Variants in CPED1 observed in about 807,000 individuals in gnomAD.
CPED1 encodes the protein cadherin like and PC-esterase domain containing 1.
A neutral mutation model predicts 128.2 loss-of-function variants in CPED1; 114 were observed. The ratio of observed to expected loss-of-function variants is 0.89; its 90% CI spans 0.76 to 1.04. CPED1 has a LOEUF of 1.04. Ranked by LOEUF, CPED1 falls within the 50% of genes least tolerant of loss-of-function variation. The probability of loss-of-function intolerance (pLI) is 0.00; values close to 1 mark genes in which losing one functional copy is unlikely to be tolerated. For synonymous variants in CPED1, 462 were observed against 426.7 expected, an observed-to-expected ratio of 1.08 and a Z score of -1.02; for missense variants, 1,211 against 1,207.1, an observed-to-expected ratio of 1.00 and a Z score of -0.05.
chr7:120,998,436 C>T (rs890871875), intron 2 of CPED1, among the ~76,000 whole-genome samples: 2 of 152,222 alleles, frequency 1.3e-5, no homozygotes, highest in South Asian at 2.1e-4. Context: ...TAACATGATC[C>T]TTAAATGAGA....
chr7:121,060,940 GC>G (rs1563010211), intron 4 of CPED1, among the ~76,000 whole-genome samples: 1 of 151,490 alleles, frequency 6.6e-6, no homozygotes, highest in Non-Finnish European at 1.5e-5. Context: ...GAGACCACGA[GC>G]CCCCCGGGAG....
intron 4 of CPED1, 92 bp from the exon 5 acceptor site, chr7:121,064,146 C>T (rs370955637): frequency 1.2e-6 from 1 of 820,210 alleles, no homozygotes. Flanking sequence ...CAGTGCATCC[C>T]ATCTATACTC....
intron 14 of CPED1, among the ~76,000 whole-genome samples, chr7:121,139,066 ATTCTTTT>A (rs1563041664): frequency 6.6e-6 from 1 of 152,030 alleles, no homozygotes; most frequent in East Asian, 1.9e-4. Context: ...TTCTGCCTTC[ATTCTTTT>A]TTCTTTTTTA....
chr7:121,024,710 A>G (rs1186982881), intron 3 of CPED1, among the ~76,000 whole-genome samples: 2 of 152,144 alleles, frequency 1.3e-5, no homozygotes, highest in African/African-American at 4.8e-5. Flanking sequence ...AAAAAAGACT[A>G]TTTTTTGAAA....
intron 7 of CPED1, among the ~76,000 whole-genome samples, chr7:121,110,905 T>C (rs1464140064): frequency 1.3e-5 from 2 of 152,056 alleles, no homozygotes; most frequent in African/African-American, 2.4e-5. Flanking sequence ...TGGTGAGATA[T>C]GGTAGTCTAA....
At chr7:121,293,277 G>A (rs940777579) in intron 22 of CPED1, among the ~76,000 whole-genome samples, 3 of 152,136 alleles carry the variant, frequency 2.0e-5, no homozygotes, top group African/African-American at 2.4e-5. Context: ...CATCCAGTTC[G>A]AAATTCCCAG....
At chr7:121,230,444 T>G (rs1169783782) in intron 16 of CPED1, among the ~76,000 whole-genome samples, 1 of 152,056 alleles carries the variant, frequency 6.6e-6, no homozygotes, top group East Asian at 1.9e-4. Context: ...GTAGCTTAAA[T>G]AAATAAGAGA....
chr7:121,079,770 G>C (rs925779833), intron 5 of CPED1, among the ~76,000 whole-genome samples: 2 of 152,198 alleles, frequency 1.3e-5, no homozygotes, highest in Non-Finnish European at 2.9e-5. Flanking sequence ...GTGTCAAACT[G>C]ATTTGGGAAA....
intron 16 of CPED1, among the ~76,000 whole-genome samples, chr7:121,172,382 G>A (rs1038379782): frequency 7.0e-6 from 1 of 141,920 alleles, no homozygotes; most frequent in Admixed American, 7.1e-5. Context: ...AAATACTCTT[G>A]TTTTTTTTTT....
At chr7:121,255,178 G>A (rs749059812) in intron 18 of CPED1, among the ~76,000 whole-genome samples, 3 of 151,982 alleles carry the variant, frequency 2.0e-5, no homozygotes, top group Non-Finnish European at 2.9e-5. Context: ...CTAGCAAACC[G>A]AATTCAGCAA....
intron 17 of CPED1, among the ~76,000 whole-genome samples, chr7:121,237,116 GTTTC>G (rs1465518900): frequency 2.6e-5 from 4 of 152,124 alleles, no homozygotes; most frequent in Admixed American, 1.3e-4. Flanking sequence ...CCTCTGATTT[GTTTC>G]TTTATTATAT....
In CPED1 at chr7:121,115,212, G is replaced by T. The variant is rs147414801; in HGVS notation, c.919-9119G>T. ...GGCTATCTAGCATTATATTTGACCA[G>T]ATGCTAAATCATGAACTTTTAAATT... is the stretch of plus-strand genomic sequence containing the variant. On this transcript the variant is annotated intron_variant, in intron 7 of 22. Coordinates refer to ENST00000310396, the MANE Select transcript of CPED1 (RefSeq NM_024913.5). Among the ~76,000 whole-genome samples the T allele has an allele frequency of 4.5e-4, 69 of 152,314 alleles. No homozygotes were observed. In the East Asian group the frequency reaches 7.5e-3, roughly 17 times the overall value.
chr7:121,021,858 T>C (rs562914398), intron 3 of CPED1, among the ~76,000 whole-genome samples: 3 of 152,184 alleles, frequency 2.0e-5, no homozygotes, highest in Admixed American at 1.3e-4. Flanking sequence ...ACATTTCCCC[T>C]GTAGGGAGGT....
intron 16 of CPED1, among the ~76,000 whole-genome samples, chr7:121,170,194 A>C (rs1796621788): frequency 6.6e-6 from 1 of 152,180 alleles, no homozygotes; most frequent in Non-Finnish European, 1.5e-5. Context: ...TTTTTGCAGC[A>C]GCTAACTCAC....
At chr7:121,097,404 T>G (rs1292772839) in intron 5 of CPED1, among the ~76,000 whole-genome samples, 1 of 152,122 alleles carries the variant, frequency 6.6e-6, no homozygotes, top group Non-Finnish European at 1.5e-5. Context: ...GTAGGATAGA[T>G]CAGCTTGATG....
intron 16 of CPED1, among the ~76,000 whole-genome samples, chr7:121,208,878 A>G (rs764147072): frequency 6.6e-6 from 1 of 152,076 alleles, no homozygotes; most frequent in Non-Finnish European, 1.5e-5. Flanking sequence ...ATCTACTAAC[A>G]TAGTTCACAG....
chr7:121,095,783 ACC>A (rs1313487350), intron 5 of CPED1, among the ~76,000 whole-genome samples: 1 of 152,036 alleles, frequency 6.6e-6, no homozygotes, highest in Non-Finnish European at 1.5e-5. Context: ...CTTCCTCAAA[ACC>A]ATTGAGATAC....
At chr7:120,999,928 TC>T (rs1328900838) in intron 2 of CPED1, among the ~76,000 whole-genome samples, 9 of 152,294 alleles carry the variant, frequency 5.9e-5, no homozygotes, top group African/African-American at 1.7e-4. Context: ...AAAGAATTAA[TC>T]ATTTTATAAG....
chr7:121,120,918 A>G (rs1175822228), intron 7 of CPED1, among the ~76,000 whole-genome samples: 3 of 149,040 alleles, frequency 2.0e-5, no homozygotes, highest in Non-Finnish European at 4.4e-5. Flanking sequence ...ATACCTACTT[A>G]GCATTAGGCA....
Sources: allele counts gnomAD v4.1 joint callset (sites outside exome capture counted in the v4.1 genomes callset), GRCh38; gene constraint gnomAD v4.1.1; transcripts MANE v1.5; gene names NCBI Gene and HGNC (gene_info 2026-07-23, HGNC 2026-07-21).